Variants in CDH23 observed in about 807,000 individuals in gnomAD.
The protein encoded by CDH23 is cadherin-23.
In CDH23, 189 loss-of-function variants were observed where a neutral mutation model predicts 317.1. The observed-to-expected ratio is 0.60, with a 90% CI of 0.53 to 0.67. The LOEUF (loss-of-function observed/expected upper bound fraction) is 0.67. CDH23 is among the 30% of genes least tolerant of loss of function. The pLI is 0.00. For synonymous variants in CDH23, 1,839 were observed against 1,876.8 expected (o/e 0.98, Z 0.52); for missense variants, 4,401 against 4,592.4 (o/e 0.96, Z 1.20).
At chr10:71,526,702 G>A (rs144037385) in intron 6 of CDH23, among the ~76,000 whole-genome samples, 81 of 152,308 alleles carry the variant, frequency 5.3e-4, no homozygotes, top group African/African-American at 1.8e-3. Context: ...GGGAAACGCT[G>A]AACAGCAATA....
chr10:71,619,644 G>C (rs1861370502), intron 11 of CDH23, among the ~76,000 whole-genome samples: 1 of 152,260 alleles, frequency 6.6e-6, no homozygotes, highest in African/African-American at 2.4e-5. Flanking sequence ...TCTATGGTGA[G>C]AGGGGCCTAG....
At chr10:71,678,105 T>C (rs1748932578) in intron 16 of CDH23, among the ~76,000 whole-genome samples, 1 of 152,192 alleles carries the variant, frequency 6.6e-6, no homozygotes, top group Non-Finnish European at 1.5e-5. Flanking sequence ...AGTGTCTGTC[T>C]CAGCTTAAAT....
chr10:71,449,311 A>AAC (rs1850320102), intron 3 of CDH23, among the ~76,000 whole-genome samples: 1 of 152,140 alleles, frequency 6.6e-6, no homozygotes, highest in African/African-American at 2.4e-5. Context: ...AAGCAGATCA[A>AAC]ACTTCCAGCT....
intron 8 of CDH23, among the ~76,000 whole-genome samples, chr10:71,575,409 T>C (rs1006482977): frequency 2.0e-5 from 3 of 152,202 alleles, no homozygotes; most frequent in Non-Finnish European, 2.9e-5. Flanking sequence ...ACCCATTTTA[T>C]AGATGGGGAA....
At chr10:71,730,447 A>G in intron 30 of CDH23, 22 bp from the exon 31 acceptor site, 1 of 1,611,668 alleles carries the variant, frequency 6.2e-7, no homozygotes, top group Non-Finnish European at 8.5e-7. Context: ...CTGACCTTGC[A>G]CCCCTGGCCC....
chr10:71,479,387 T>C (rs957395215), intron 3 of CDH23, among the ~76,000 whole-genome samples: 4 of 152,080 alleles, frequency 2.6e-5, no homozygotes, highest in African/African-American at 9.7e-5. Context: ...GTCTAAGGAT[T>C]TGGGGGCGGG....
At chr10:71,504,383 A>G (rs74998369) in intron 3 of CDH23, among the ~76,000 whole-genome samples, 5,322 of 152,252 alleles carry the variant, frequency 0.035, 224 homozygotes, top group East Asian at 0.12. Flanking sequence ...AGCATGTGTC[A>G]GAATTTCCTT....
chr10:71,620,078 G>A (rs1020318865), intron 11 of CDH23, among the ~76,000 whole-genome samples: 31 of 152,178 alleles, frequency 2.0e-4, no homozygotes, highest in South Asian at 2.1e-4. Flanking sequence ...ACCCTACCCC[G>A]TGTAGTGGCT....
intron 6 of CDH23, among the ~76,000 whole-genome samples, chr10:71,545,528 G>A (rs1457713989): frequency 6.6e-6 from 1 of 152,204 alleles, no homozygotes; most frequent in Admixed American, 6.5e-5. Flanking sequence ...ATAAGCTTTA[G>A]ATGCCACATA....
rs773273316 is a variant in CDH23, at chr10:71,812,556, C to T, written c.9457C>T (p.Pro3153Ser). The T allele has an allele frequency of 6.2e-7, 1 of 1,607,632 alleles. No individual in the cohort carries two copies. Among genetic ancestry groups the T allele is most frequent in the Non-Finnish European group, 8.5e-7 (1 of 1,175,796 alleles). ...CCAGGCGGAGCATGAGGATGACCTA[C>T]CGGAGAACCTGAGTGAGATCGCCGA... ...AAQAEHEDDL[P>S]ENLSEIADLW... Residue 3153 changes from proline to serine, a missense_variant, in exon 67 of 70, where the codon CCG becomes TCG. By Grantham distance (74) the Pro-to-Ser change is moderately conservative (BLOSUM62 -1). This residue lies in a region of CDH23 where 1,144 missense variants were observed against 1,138.2 expected (regional missense o/e 1.01). Transcript: ENST00000224721.
intron 14 of CDH23, among the ~76,000 whole-genome samples, chr10:71,661,759 GC>G (rs553753817): frequency 3.2e-5 from 1 of 30,912 alleles, no homozygotes; most frequent in Non-Finnish European, 6.0e-5. Flanking sequence ...CACCCTGCGC[GC>G]CCCCTCCCAC....
In CDH23 at chr10:71,566,969, A is replaced by C. The variant is rs565739972; in HGVS notation, c.624+33A>C. On this transcript the variant is annotated intron_variant, in intron 7 of 69. Transcript: ENST00000224721. ...TCCATGCTGGGGCCCCGGCCGTCCC[A>C]GCTGCCTCTTCCCACCCTGGAAGAG... 14 of 1,599,194 alleles carry C rather than the reference A, an allele frequency of 8.8e-6. No individual in the cohort carries two copies. The African/African-American group carries it at 1.7e-4, about 20-fold the overall frequency.
chr10:71,704,072 C>T (rs1041770132), intron 24 of CDH23, among the ~76,000 whole-genome samples: 4 of 152,086 alleles, frequency 2.6e-5, no homozygotes, highest in South Asian at 4.1e-4. Flanking sequence ...TAGAGCTGTG[C>T]GCAAGTAAAG....
Position 71,738,474 on chromosome 10 carries a change from G to T in CDH23, c.4210-24G>T, listed in dbSNP as rs1464376008. 3 of 1,613,760 alleles carry T rather than the reference G, an allele frequency of 1.9e-6. No individual in the cohort carries two copies. The African/African-American group carries it at 4.0e-5, about 22-fold the overall frequency. ...GCCAAGGAGGGGAAGGAGGCTGTAG[G>T]TCTCTGACCACGTTCACCCTCAGGT... On this transcript the variant is annotated intron_variant, in intron 34 of 69. Transcript: ENST00000224721.
At chr10:71,581,213 G>T (rs1373072867) in intron 9 of CDH23, among the ~76,000 whole-genome samples, 1 of 152,248 alleles carries the variant, frequency 6.6e-6, no homozygotes, top group African/African-American at 2.4e-5. Context: ...TGAGTGCCCG[G>T]TAGGGGCCTG....
At chr10:71,543,683 A>T (rs1253183733) in intron 6 of CDH23, among the ~76,000 whole-genome samples, 1 of 152,366 alleles carries the variant, frequency 6.6e-6, no homozygotes, top group Middle Eastern at 3.4e-3. Flanking sequence ...CAGATGGGAA[A>T]CTGAGGCCCA....
At chr10:71,596,737 A>T (rs1859873126) in intron 9 of CDH23, among the ~76,000 whole-genome samples, 1 of 152,210 alleles carries the variant, frequency 6.6e-6, no homozygotes, top group African/African-American at 2.4e-5. Context: ...GATAGGTCAC[A>T]AAGGGCCAAG....
Position 71,705,014 on chromosome 10 carries a change from T to A in CDH23, c.2837T>A (p.Val946Glu), listed in dbSNP as rs1330297318. The A allele has an allele frequency of 1.9e-6, 3 of 1,612,018 alleles. No homozygotes were observed. Among genetic ancestry groups the A allele is most frequent in the Non-Finnish European group, 2.5e-6 (3 of 1,179,576 alleles). ...MDFLINSSSG[V>E]VVTTTELDRE... ...TTCCTCATCAACAGCAGCAGCGGCGTGGTGGTCACCACCACCGAGCTGGAC... is the reference window on the plus strand; with the variant it reads ...TTCCTCATCAACAGCAGCAGCGGCGAGGTGGTCACCACCACCGAGCTGGAC... Residue 946 changes from valine (V) to glutamate (E), a missense_variant, in exon 25 of 70, where the codon GTG (valine) becomes GAG (glutamate). Physicochemically the swap from Val to Glu is moderately radical, Grantham distance 121. Around this residue, in one of 3 missense-constraint regions of CDH23, gnomAD observed 3,068 missense variants for 3,203.3 expected, o/e 0.96. Transcript: ENST00000224721.
chr10:71,512,633 G>A (rs1403973238), intron 6 of CDH23, among the ~76,000 whole-genome samples: 1 of 152,202 alleles, frequency 6.6e-6, no homozygotes, highest in African/African-American at 2.4e-5. Flanking sequence ...GGGCAGCAGG[G>A]AGCCGCACTG....
Sources: gnomAD v4.1 joint callset for allele counts (sites outside exome capture counted in the v4.1 genomes callset) on GRCh38, gnomAD v4.1.1 for gene constraint, gnomAD v4.1.1 regional missense constraint, MANE v1.5 for transcripts, NCBI Gene and HGNC (gene_info 2026-07-23, HGNC 2026-07-21) for gene names.